Variants in RELN observed in about 807,000 individuals in gnomAD.
RELN encodes reelin.
In RELN, 108 loss-of-function variants were observed where a neutral mutation model predicts 427.6. The ratio of observed to expected loss-of-function variants is 0.25; its 90% CI spans 0.22 to 0.30. The LOEUF (loss-of-function observed/expected upper bound fraction) is 0.30, where lower values mean the gene tolerates loss of function less well. RELN is among the 10% of genes least tolerant of loss of function. RELN has a pLI of 1.00. For missense variants in RELN, 3,715 were observed against 4,302.8 expected, an observed-to-expected ratio of 0.86 and a Z score of 3.82; for synonymous variants, 1,524 against 1,513.4, an observed-to-expected ratio of 1.01 and a Z score of -0.16.
intron 3 of RELN, among the ~76,000 whole-genome samples, chr7:103,831,157 G>A (rs1430269916): frequency 6.6e-6 from 1 of 152,036 alleles, no homozygotes; most frequent in African/African-American, 2.4e-5. Flanking sequence ...CTATATTGCT[G>A]ATATAGATAT....
At chr7:103,663,745 C>T (rs1244547748) in intron 11 of RELN, among the ~76,000 whole-genome samples, 4 of 152,176 alleles carry the variant, frequency 2.6e-5, no homozygotes, top group Non-Finnish European at 5.9e-5. Context: ...CACCATCTGC[C>T]TGTCTAGATC....
At chr7:103,971,049 G>T (rs943800578) in intron 1 of RELN, among the ~76,000 whole-genome samples, 3 of 151,886 alleles carry the variant, frequency 2.0e-5, no homozygotes, top group African/African-American at 7.3e-5. Context: ...CTATTCAGGA[G>T]GCTGAGGCAA....
At chr7:103,833,127 C>T (rs1248172104) in intron 3 of RELN, among the ~76,000 whole-genome samples, 1 of 150,522 alleles carries the variant, frequency 6.6e-6, no homozygotes, top group Non-Finnish European at 1.5e-5. Context: ...TGTTTAAAAT[C>T]TCTTTTAGCA....
Position 103,661,000 on chromosome 7 carries a change from G to A in RELN, c.1441+376C>T, listed in dbSNP as rs1256353066. Among the ~76,000 whole-genome samples the A allele has an allele frequency of 2.0e-5, 3 of 152,160 alleles. No individual in the cohort carries two copies. In the East Asian group the frequency reaches 5.8e-4, roughly 29 times the overall value. The stretch of plus-strand genomic sequence containing the variant: ...CTACAAAAGAGTTATGCAATGATGA[G>A]ATATTCATGAAAACAAAGGCTCACC... On this transcript the variant is annotated intron_variant, in intron 12 of 64. Coordinates refer to ENST00000428762, the MANE Select transcript of RELN (RefSeq NM_005045.4).
chr7:103,635,360 A>C lies in RELN; in HGVS notation c.2465+65T>G. 3 of 1,541,048 alleles carry C rather than the reference A, an allele frequency of 1.9e-6. No individual in the cohort carries two copies. In the South Asian group the frequency reaches 3.4e-5, roughly 17 times the overall value. ...AATATCTAGAATTTTATACCATTTG[A>C]ATTATGATTTCCCCAGGAGAAGATT... On this transcript the variant is annotated intron_variant, in intron 19 of 64. Coordinates refer to ENST00000428762, the MANE Select transcript of RELN (RefSeq NM_005045.4).
Position 103,589,646 on chromosome 7 carries a change from A to C in RELN, c.4095T>G (p.Phe1365Leu). 6.2e-7 allele frequency: 1 copy of C among 1,614,084 alleles called. No homozygotes were observed. Among genetic ancestry groups the C allele is most frequent in the Non-Finnish European group, 8.5e-7 (1 of 1,179,964 alleles). ...CAATGGTGATTCTTGTCCATTCTTC[A>C]AAGTCCCCTGTGTGATACATGGTGG... Reference protein sequence around the residue: ...SEPTMYHTGDFEEWTRITIVI... With the variant: ...SEPTMYHTGDLEEWTRITIVI... The change falls in exon 28 of 65, where the codon TTT becomes TTG. Residue 1365 changes from phenylalanine to leucine, a missense_variant. Phe to Leu is a conservative substitution (Grantham distance 22). Transcript: ENST00000428762.
intron 1 of RELN, among the ~76,000 whole-genome samples, chr7:103,947,827 C>A (rs951511506): frequency 6.6e-6 from 1 of 152,144 alleles, no homozygotes; most frequent in African/African-American, 2.4e-5. Flanking sequence ...AATATTACCC[C>A]TTACAATGTC....
intron 12 of RELN, among the ~76,000 whole-genome samples, chr7:103,660,178 A>G (rs116520066): frequency 0.011 from 1,716 of 152,242 alleles, 38 homozygotes; most frequent in African/African-American, 0.039. Flanking sequence ...TGTGTCAAAA[A>G]TGGGGAAAAG....
At chr7:103,918,851 T>G (rs906694306) in intron 1 of RELN, among the ~76,000 whole-genome samples, 1 of 152,126 alleles carries the variant, frequency 6.6e-6, no homozygotes, top group Non-Finnish European at 1.5e-5. Context: ...GACAGATCAA[T>G]GCAGAGAGAA....
chr7:103,624,193 T>C (rs1832277399), intron 20 of RELN, among the ~76,000 whole-genome samples: 1 of 152,206 alleles, frequency 6.6e-6, no homozygotes, highest in Non-Finnish European at 1.5e-5. Flanking sequence ...TGCTCATAAA[T>C]ACCCCATGAA....
intron 4 of RELN, among the ~76,000 whole-genome samples, chr7:103,757,926 T>A (rs1057156541): frequency 1.3e-5 from 2 of 152,214 alleles, no homozygotes; most frequent in Non-Finnish European, 2.9e-5. Context: ...GAAAGATAAA[T>A]GATTTAATAA....
intron 2 of RELN, among the ~76,000 whole-genome samples, chr7:103,843,750 C>T (rs1793611013): frequency 6.6e-6 from 1 of 152,184 alleles, no homozygotes; most frequent in South Asian, 2.1e-4. Context: ...GGGGCAAAGC[C>T]ATCCAGTTAT....
chr7:103,923,658 T>C (rs1795664010), intron 1 of RELN, among the ~76,000 whole-genome samples: 1 of 152,168 alleles, frequency 6.6e-6, no homozygotes, highest in South Asian at 2.1e-4. Context: ...CTACCTTACC[T>C]ATCTATTCCA....
chr7:103,945,454 T>G (rs955539621), intron 1 of RELN, among the ~76,000 whole-genome samples: 2 of 152,186 alleles, frequency 1.3e-5, no homozygotes, highest in Non-Finnish European at 2.9e-5. Context: ...TGATTCAGTT[T>G]ACCCCCTACC....
rs1790935994 is a variant in RELN at position 103,749,394 on chromosome 7, A to C, written c.656+32T>G. The C allele has an allele frequency of 1.9e-6, 3 of 1,561,200 alleles. No homozygotes were observed. The Admixed American group carries it at 5.0e-5, about 26-fold the overall frequency. Reference sequence around the variant, plus strand: ...GTCAGCATCATTTGTTACATTAAGCAAACCAAAGTGAGGAATGTTCCTGTA... The same window carrying C: ...GTCAGCATCATTTGTTACATTAAGCCAACCAAAGTGAGGAATGTTCCTGTA... On this transcript the variant is annotated intron_variant, in intron 6 of 64. Coordinates refer to ENST00000428762, the MANE Select transcript of RELN (RefSeq NM_005045.4).
intron 10 of RELN, among the ~76,000 whole-genome samples, chr7:103,689,037 T>C (rs1206099591): frequency 6.6e-6 from 1 of 152,156 alleles, no homozygotes; most frequent in Non-Finnish European, 1.5e-5. Context: ...ACTTAGTTAC[T>C]CTAAATCCTT....
chr7:103,765,486 A>G (rs1364800775), intron 4 of RELN, among the ~76,000 whole-genome samples: 1 of 152,232 alleles, frequency 6.6e-6, no homozygotes, highest in African/African-American at 2.4e-5. Context: ...CCAATGAATT[A>G]CAACTCTTAA....
chr7:103,545,645 T>C (rs1421419317), intron 41 of RELN, among the ~76,000 whole-genome samples: 1 of 150,796 alleles, frequency 6.6e-6, no homozygotes, highest in African/African-American at 2.4e-5. Flanking sequence ...ACTATTTTGT[T>C]TTATTTTTTT....
intron 28 of RELN, among the ~76,000 whole-genome samples, chr7:103,587,235 A>G (rs1024511326): frequency 1.3e-5 from 2 of 152,238 alleles, no homozygotes; most frequent in Non-Finnish European, 2.9e-5. Context: ...CCAGATTTAA[A>G]GCCAACTAAT....
Sources: gnomAD v4.1 joint callset for allele counts (sites outside exome capture counted in the v4.1 genomes callset) on GRCh38, gnomAD v4.1.1 for gene constraint, MANE v1.5 for transcripts, NCBI Gene and HGNC (gene_info 2026-07-23, HGNC 2026-07-21) for gene names.